The following ARHGAP10 variants were observed in gnomAD, a reference collection of about 807,000 sequenced individuals.
ARHGAP10 encodes the protein Rho GTPase activating protein 10.
ARHGAP10 carries 87 observed loss-of-function variants against 108.6 expected under a neutral mutation model. That is an observed-to-expected ratio of 0.80 (90% CI 0.67 to 0.96). The LOEUF is 0.96. ARHGAP10 is among the 40% of genes least tolerant of loss of function. ARHGAP10 has a pLI of 0.00. For missense variants in ARHGAP10, 939 were observed against 954.5 expected (o/e 0.98, Z 0.21); for synonymous variants, 347 against 341.1 (o/e 1.02, Z -0.19).
At chr4:148,005,801 G>A (rs180995498) in intron 18 of ARHGAP10, among the ~76,000 whole-genome samples, 1 of 152,330 alleles carries the variant, frequency 6.6e-6, no homozygotes, top group East Asian at 1.9e-4. Context: ...AGTGAGAGAA[G>A]TATTTACATG....
At chr4:147,769,302 A>T (rs1729974238) in intron 1 of ARHGAP10, among the ~76,000 whole-genome samples, 1 of 152,166 alleles carries the variant, frequency 6.6e-6, no homozygotes, top group African/African-American at 2.4e-5. Flanking sequence ...TTACTCAGTA[A>T]ATGTTGTTGA....
intron 3 of ARHGAP10, among the ~76,000 whole-genome samples, chr4:147,826,248 A>G (rs1560777986): frequency 6.6e-6 from 1 of 152,198 alleles, no homozygotes. Flanking sequence ...AAACAGGAAC[A>G]TGGTATTGGC....
intron 10 of ARHGAP10, among the ~76,000 whole-genome samples, chr4:147,905,721 T>C (rs989390261): frequency 1.5e-4 from 23 of 149,296 alleles, no homozygotes; most frequent in African/African-American, 5.1e-4. Flanking sequence ...TGTGGGCTCT[T>C]TTTTGGTTCC....
At chr4:147,932,475 A>T (rs906136701) in intron 13 of ARHGAP10, among the ~76,000 whole-genome samples, 1 of 152,248 alleles carries the variant, frequency 6.6e-6, no homozygotes. Flanking sequence ...ATGCAGCCAT[A>T]AAAAGGAATG....
chr4:147,786,668 A>G lies in ARHGAP10; in HGVS notation c.155-36059A>G, dbSNP rs547577034. On this transcript the variant is annotated intron_variant, in intron 1 of 22. Transcript: ENST00000336498. The stretch of plus-strand genomic sequence containing the variant: ...GGTAAATATTATGCAGGTCGTGCAT[A>G]TGGGATGGCATACATATGGGATGGC... Among the ~76,000 whole-genome samples the G allele has an allele frequency of 2.8e-4, 42 of 152,322 alleles. 1 individual carries two copies. The South Asian group carries it at 7.0e-3, about 26-fold the overall frequency.
chr4:147,989,505 GGACCAGTTCAGAGACCTACCCCTAGGTGC>G (rs1408649827), intron 18 of ARHGAP10, among the ~76,000 whole-genome samples: 2 of 152,058 alleles, frequency 1.3e-5, no homozygotes, highest in African/African-American at 4.8e-5. Flanking sequence ...CGCCCTGGGG[GGACCAGTTCAGAGACCTACCCCTAGGTGC>G]GCATTCCCTT....
chr4:147,781,464 G>A lies in ARHGAP10; in HGVS notation c.155-41263G>A, dbSNP rs116112254. Among the ~76,000 whole-genome samples, 1,505 of 152,148 alleles carry A rather than the reference G, an allele frequency of 9.9e-3. 12 individuals are homozygous for A. Among genetic ancestry groups the A allele is most frequent in the Non-Finnish European group, 0.015 (1,048 of 67,996 alleles). ...TCATATATACACATTTAAAAATACG[G>A]GGAGCTACTTTTACATCTTAAATAC... is the stretch of plus-strand genomic sequence containing the variant. On this transcript the variant is annotated intron_variant, in intron 1 of 22. Transcript: ENST00000336498.
intron 18 of ARHGAP10, among the ~76,000 whole-genome samples, chr4:147,997,543 C>G (rs1266512817): frequency 6.6e-6 from 1 of 152,148 alleles, no homozygotes; most frequent in Admixed American, 6.5e-5. Context: ...AGGAGAAAGA[C>G]AGATGAGAAG....
chr4:147,949,601 G>A (rs1738520132), intron 15 of ARHGAP10, among the ~76,000 whole-genome samples: 2 of 121,468 alleles, frequency 1.6e-5, no homozygotes, highest in South Asian at 5.3e-4. Flanking sequence ...CAATAATTCT[G>A]AGATTTAGAA....
chr4:147,918,920 C>A (rs1737106767), intron 13 of ARHGAP10, among the ~76,000 whole-genome samples: 1 of 152,158 alleles, frequency 6.6e-6, no homozygotes, highest in African/African-American at 2.4e-5. Context: ...ATTATTGGGA[C>A]CTTACTCTCT....
chr4:147,888,181 A>C (rs1735646330), intron 10 of ARHGAP10, among the ~76,000 whole-genome samples: 1 of 152,174 alleles, frequency 6.6e-6, no homozygotes, highest in South Asian at 2.1e-4. Flanking sequence ...TTCAGCCCTT[A>C]GATGTTTTCG....
At chr4:147,823,248 A>C (rs992879296) in intron 3 of ARHGAP10, among the ~76,000 whole-genome samples, 10 of 152,328 alleles carry the variant, frequency 6.6e-5, no homozygotes, top group South Asian at 6.2e-4. Context: ...GCAGCAGAGC[A>C]CTTTAATTTA....
intron 18 of ARHGAP10, among the ~76,000 whole-genome samples, chr4:147,993,853 G>C (rs1199986009): frequency 6.6e-6 from 1 of 152,206 alleles, no homozygotes; most frequent in Admixed American, 6.5e-5. Context: ...TTGGGGGAGA[G>C]GGTAGGCATT....
In ARHGAP10 at chr4:147,901,750, T is replaced by G. The variant is rs565499400; in HGVS notation, c.1035-4888T>G. Reference sequence around the variant, plus strand: ...TCATAACTCTTTAAGCCCTTCATCATTCAACAGTTATTTCTGTGTTTTAGG... The same window carrying G: ...TCATAACTCTTTAAGCCCTTCATCAGTCAACAGTTATTTCTGTGTTTTAGG... On this transcript the variant is annotated intron_variant, in intron 10 of 22. Transcript: ENST00000336498. 3.3e-5 allele frequency among the ~76,000 whole-genome samples: 5 copies of G among 152,372 alleles called. No individual in the cohort carries two copies. The South Asian group carries it at 1.0e-3, about 32-fold the overall frequency.
chr4:147,981,028 T>C (rs1739789094), intron 18 of ARHGAP10, among the ~76,000 whole-genome samples: 2 of 152,216 alleles, frequency 1.3e-5, no homozygotes, highest in Non-Finnish European at 1.5e-5. Context: ...TTCATTTTAT[T>C]GATCTTTAGT....
At chr4:147,741,880 C>T (rs1442903375) in intron 1 of ARHGAP10, among the ~76,000 whole-genome samples, 2 of 151,766 alleles carry the variant, frequency 1.3e-5, no homozygotes, top group Non-Finnish European at 2.9e-5. Context: ...CTGAGATGGA[C>T]TGGAGTCACA....
At chr4:148,001,082 A>G (rs1005286093) in intron 18 of ARHGAP10, among the ~76,000 whole-genome samples, 17 of 152,168 alleles carry the variant, frequency 1.1e-4, no homozygotes, top group Non-Finnish European at 2.2e-4. Context: ...ATCTTGAATT[A>G]ATTTTTGTGT....
intron 3 of ARHGAP10, among the ~76,000 whole-genome samples, chr4:147,840,817 A>G (rs1179093948): frequency 6.6e-6 from 1 of 152,158 alleles, no homozygotes; most frequent in East Asian, 1.9e-4. Flanking sequence ...TTGAACTGTG[A>G]TTCTTTTATC....
At chr4:147,901,977 G>A (rs540780286) in intron 10 of ARHGAP10, among the ~76,000 whole-genome samples, 1 of 152,326 alleles carries the variant, frequency 6.6e-6, no homozygotes, top group South Asian at 2.1e-4. Context: ...CTTTGAGAGT[G>A]TAAGTATATG....
Sources: allele counts gnomAD v4.1 joint callset (sites outside exome capture counted in the v4.1 genomes callset), GRCh38; gene constraint gnomAD v4.1.1; transcripts MANE v1.5; gene names NCBI Gene and HGNC (gene_info 2026-07-23, HGNC 2026-07-21).